Variants in PALLD observed in about 807,000 individuals in gnomAD.
The protein encoded by PALLD is palladin, cytoskeletal associated protein.
A neutral mutation model predicts 123.5 loss-of-function variants in PALLD; 61 were observed. The observed-to-expected ratio is 0.49, with a 90% CI of 0.40 to 0.61. The LOEUF (loss-of-function observed/expected upper bound fraction) is 0.61. Among genes scored for constraint, PALLD ranks in the 20% least tolerant of loss-of-function variants. PALLD has a pLI of 0.00. For missense variants in PALLD, 1,273 were observed against 1,377.0 expected (o/e 0.92, Z 1.20); for synonymous variants, 465 against 496.4 (o/e 0.94, Z 0.84).
At chr4:168,576,302 A>G (rs1769577385) in intron 2 of PALLD, among the ~76,000 whole-genome samples, 1 of 151,862 alleles carries the variant, frequency 6.6e-6, no homozygotes, top group South Asian at 2.1e-4. Context: ...TTAGTTACAT[A>G]TGTACATGTG....
At chr4:168,690,773 C>G (rs757786157) in intron 7 of PALLD, 29 bp downstream of exon 7, 1 of 1,611,744 alleles carries the variant, frequency 6.2e-7, no homozygotes. Context: ...GTCCCCAAAT[C>G]TGACCATTTT....
chr4:168,888,009 A>G (rs1753605665), intron 10 of PALLD, among the ~76,000 whole-genome samples: 1 of 152,184 alleles, frequency 6.6e-6, no homozygotes, highest in African/African-American at 2.4e-5. Flanking sequence ...GGACAAGCTT[A>G]GTCAGGGACA....
chr4:168,719,219 T>G (rs1785698791), intron 10 of PALLD, among the ~76,000 whole-genome samples: 1 of 148,560 alleles, frequency 6.7e-6, no homozygotes, highest in Admixed American at 6.8e-5. Context: ...AGTCTAAGTT[T>G]CAATGACCTA....
chr4:168,651,751 C>T (rs1482518956), intron 2 of PALLD, among the ~76,000 whole-genome samples: 1 of 152,038 alleles, frequency 6.6e-6, no homozygotes, highest in Non-Finnish European at 1.5e-5. Flanking sequence ...ATTTCTACTC[C>T]TCCTCCTCAG....
At chr4:168,508,586 A>G (rs1762237210) in intron 1 of PALLD, among the ~76,000 whole-genome samples, 1 of 152,190 alleles carries the variant, frequency 6.6e-6, no homozygotes. Context: ...GGTTGACACA[A>G]AATGTTTTTC....
chr4:168,863,710 G>A (rs535975128), intron 10 of PALLD: 28 of 152,178 alleles, frequency 1.8e-4, no homozygotes, highest in African/African-American at 5.5e-4. Context: ...TGACATTTTT[G>A]TAAATTCTAT....
intron 2 of PALLD, among the ~76,000 whole-genome samples, chr4:168,589,085 G>C (rs1771139452): frequency 6.6e-6 from 1 of 152,252 alleles, no homozygotes; most frequent in African/African-American, 2.4e-5. Context: ...AAGCACAACT[G>C]TACTGGTTCG....
intron 10 of PALLD, among the ~76,000 whole-genome samples, chr4:168,781,381 A>G (rs530344099): frequency 1.3e-5 from 2 of 152,326 alleles, no homozygotes; most frequent in East Asian, 3.9e-4. Context: ...AAAAGGGCAA[A>G]CCAGGAGCCA....
chr4:168,841,654 A>G (rs1746056289), intron 10 of PALLD, among the ~76,000 whole-genome samples: 1 of 152,148 alleles, frequency 6.6e-6, no homozygotes. Flanking sequence ...GTGGCTCTAT[A>G]ATATCTGAGC....
intron 2 of PALLD, among the ~76,000 whole-genome samples, chr4:168,656,539 C>T (rs148905874): frequency 0.014 from 2,143 of 152,154 alleles, 34 homozygotes; most frequent in African/African-American, 0.049. Flanking sequence ...AGTGCCAAAA[C>T]GACATTTTTT....
intron 10 of PALLD, among the ~76,000 whole-genome samples, chr4:168,745,361 A>G (rs1359432077): frequency 7.0e-6 from 1 of 142,342 alleles, no homozygotes; most frequent in Non-Finnish European, 1.5e-5. Context: ...TTCATTGGGT[A>G]CCCCAATCTA....
chr4:168,811,187 T>A (rs1243764979), intron 10 of PALLD, among the ~76,000 whole-genome samples: 2 of 152,232 alleles, frequency 1.3e-5, no homozygotes, highest in Non-Finnish European at 2.9e-5. Flanking sequence ...TAGAATTGCC[T>A]GGATTCGTGG....
chr4:168,804,691 G>A (rs1739881658), intron 10 of PALLD, among the ~76,000 whole-genome samples: 1 of 152,174 alleles, frequency 6.6e-6, no homozygotes, highest in African/African-American at 2.4e-5. Flanking sequence ...TAGTATTTCT[G>A]TTGGCTTTAA....
At chr4:168,701,789 G>C (rs1783697344) in intron 8 of PALLD, among the ~76,000 whole-genome samples, 1 of 152,194 alleles carries the variant, frequency 6.6e-6, no homozygotes. Context: ...GCCCTGGGAA[G>C]ATAGTCCAGG....
intron 2 of PALLD, among the ~76,000 whole-genome samples, chr4:168,659,671 T>C (rs927430214): frequency 6.6e-6 from 1 of 152,242 alleles, no homozygotes; most frequent in African/African-American, 2.4e-5. Flanking sequence ...CTTTTAACAT[T>C]TACCATTTTG....
At chr4:168,907,584 A>C (rs540701666) in intron 15 of PALLD, among the ~76,000 whole-genome samples, 1 of 152,008 alleles carries the variant, frequency 6.6e-6, no homozygotes, top group African/African-American at 2.4e-5. Context: ...GCTGCTCTCT[A>C]CTCTCAGCAC....
At chr4:168,842,511 C>T (rs1746180957) in intron 10 of PALLD, among the ~76,000 whole-genome samples, 2 of 152,150 alleles carry the variant, frequency 1.3e-5, no homozygotes, top group Admixed American at 1.3e-4. Context: ...GTGATACTTT[C>T]TTTTATTTTC....
Position 168,898,623 on chromosome 4 carries a change from C to A in PALLD, c.2381C>A (p.Pro794Gln). The A allele has an allele frequency of 6.2e-7, 1 of 1,613,828 alleles. No individual in the cohort carries two copies. The highest frequency in any genetic ancestry group is 8.5e-7 in the Non-Finnish European group (1 of 1,179,772). Reference protein sequence around the residue: ...GDVPVENGMAPFFEMKLKHYK... With the variant: ...GDVPVENGMAQFFEMKLKHYK... ...GTGCCTGTGGAAAATGGAATGGCAC[C>A]ATTCTTTGAGATGAAGCTGAAACAT... Residue 794 changes from proline to glutamine, a missense_variant, in exon 14 of 22, where the codon CCA (proline) becomes CAA (glutamine). By Grantham distance (76) the Pro-to-Gln change is moderately conservative. Around this residue, in one of 2 missense-constraint regions of PALLD, gnomAD observed 329 missense variants for 422.5 expected, o/e 0.78. Coordinates refer to ENST00000505667, the MANE Select transcript of PALLD (RefSeq NM_001166108.2).
At chr4:168,688,431 A>C (rs961712448) in intron 6 of PALLD, among the ~76,000 whole-genome samples, 2 of 152,184 alleles carry the variant, frequency 1.3e-5, no homozygotes, top group African/African-American at 2.4e-5. Flanking sequence ...ATTTCTTCCC[A>C]AATAGACCCC....
Sources: allele counts gnomAD v4.1 joint callset (sites outside exome capture counted in the v4.1 genomes callset), GRCh38; gene constraint gnomAD v4.1.1; regional missense constraint gnomAD v4.1.1; transcripts MANE v1.5; gene names NCBI Gene and HGNC (gene_info 2026-07-23, HGNC 2026-07-21).